The following LRP1B variants were observed in gnomAD, a reference collection of about 807,000 sequenced individuals.
LRP1B encodes low-density lipoprotein receptor-related protein 1B.
In LRP1B, 217 loss-of-function variants were observed where a neutral mutation model predicts 556.6. The observed-to-expected ratio is 0.39, with a 90% CI of 0.35 to 0.44. LRP1B has a LOEUF of 0.44. Ranked by LOEUF, LRP1B falls within the 20% of genes least tolerant of loss-of-function variation. The pLI, the probability that LRP1B is intolerant of heterozygous loss-of-function variation, is 1.00. For synonymous variants in LRP1B, 2,047 were observed against 1,865.8 expected (o/e 1.10, Z -2.50); for missense variants, 5,053 against 5,620.8 (o/e 0.90, Z 3.23).
At chr2:141,464,606 A>ATATATATTTTTTTTTTTTTTT in intron 3 of LRP1B, among the ~76,000 whole-genome samples, 9 of 90,538 alleles carry the variant, frequency 9.9e-5, no homozygotes, top group South Asian at 6.5e-4. Context: ...ATATATATAT[A>ATATATATTTTTTTTTTTTTTT]TTTTTTTAGT....
chr2:142,060,502 A>G (rs1029260312), intron 1 of LRP1B, among the ~76,000 whole-genome samples: 4 of 152,096 alleles, frequency 2.6e-5, no homozygotes, highest in Admixed American at 6.6e-5. Flanking sequence ...GTGGATGGGT[A>G]TGTCAAAGAT....
chr2:142,093,202 A>G (rs1706234949), intron 1 of LRP1B, among the ~76,000 whole-genome samples: 1 of 152,124 alleles, frequency 6.6e-6, no homozygotes, highest in South Asian at 2.1e-4. Flanking sequence ...GTAGAATTAT[A>G]TTATCCATTT....
chr2:140,603,149 A>G (rs1342052279), intron 41 of LRP1B, among the ~76,000 whole-genome samples: 2 of 152,082 alleles, frequency 1.3e-5, no homozygotes, highest in East Asian at 1.9e-4. Context: ...GTAATATACC[A>G]TAGATAGTCT....
rs111571534 is a variant in LRP1B at position 140,717,970 on chromosome 2, T to C, written c.5759-1154A>G. Among the ~76,000 whole-genome samples, 676 of 152,244 alleles carry C rather than the reference T, an allele frequency of 4.4e-3. 5 individuals carry two copies. The highest frequency in any genetic ancestry group is 0.014 in the African/African-American group (597 of 41,566). On this transcript the variant is annotated intron_variant, in intron 35 of 90. Coordinates refer to ENST00000389484, the MANE Select transcript of LRP1B (RefSeq NM_018557.3). ...TATATGTCTAGAAAGCAAGGATTTGTTTGATTTTCTCATTTGGTAAAAACA... is the reference window on the plus strand; with the variant it reads ...TATATGTCTAGAAAGCAAGGATTTGCTTGATTTTCTCATTTGGTAAAAACA...
At chr2:141,910,502 G>A (rs1699880749) in intron 1 of LRP1B, among the ~76,000 whole-genome samples, 1 of 151,698 alleles carries the variant, frequency 6.6e-6, no homozygotes, top group Non-Finnish European at 1.5e-5. Context: ...ATTTTTTCTA[G>A]TATTATTAAA....
chr2:140,991,635 T>G (rs767995301), intron 16 of LRP1B, among the ~76,000 whole-genome samples: 9 of 152,058 alleles, frequency 5.9e-5, no homozygotes, highest in Non-Finnish European at 2.9e-5. Flanking sequence ...ATGTACCAAA[T>G]AAGTAAGCAA....
chr2:142,091,388 A>G (rs1459170347), intron 1 of LRP1B, among the ~76,000 whole-genome samples: 1 of 152,078 alleles, frequency 6.6e-6, no homozygotes, highest in African/African-American at 2.4e-5. Flanking sequence ...TAAAAAATAA[A>G]ATTGGCTTTT....
At chr2:140,330,855 C>A (rs182997229) in intron 79 of LRP1B, among the ~76,000 whole-genome samples, 3 of 152,106 alleles carry the variant, frequency 2.0e-5, no homozygotes, top group South Asian at 2.1e-4. Flanking sequence ...CTACAAGGAA[C>A]TTAAACAAAT....
At chr2:141,519,360 G>GAGATATATATAT (rs1366593169) in intron 2 of LRP1B, among the ~76,000 whole-genome samples, 3 of 68,322 alleles carry the variant, frequency 4.4e-5, no homozygotes, top group African/African-American at 1.7e-4. Context: ...TTAAGTCAAT[G>GAGATATATATAT]ATATATATAT....
chr2:141,940,664 C>A (rs540039375), intron 1 of LRP1B, among the ~76,000 whole-genome samples: 2 of 152,180 alleles, frequency 1.3e-5, no homozygotes, highest in South Asian at 2.1e-4. Context: ...TCCCTAAATC[C>A]TTTTACTCTA....
chr2:140,667,310 G>C (rs552301357), intron 41 of LRP1B, among the ~76,000 whole-genome samples: 1 of 152,156 alleles, frequency 6.6e-6, no homozygotes, highest in Non-Finnish European at 1.5e-5. Context: ...CCTTTGCCTT[G>C]ATACCACCCG....
chr2:141,752,822 C>A (rs1301181593), intron 2 of LRP1B, among the ~76,000 whole-genome samples: 1 of 150,160 alleles, frequency 6.7e-6, no homozygotes, highest in Non-Finnish European at 1.5e-5. Flanking sequence ...TGCCTGTGGT[C>A]CCTGCGACTT....
intron 7 of LRP1B, among the ~76,000 whole-genome samples, chr2:141,079,219 G>C (rs1330891518): frequency 6.6e-6 from 1 of 152,120 alleles, no homozygotes; most frequent in Admixed American, 6.6e-5. Context: ...TTCTTTTCCA[G>C]TTAGAAGGTA....
At chr2:140,600,324 G>A (rs746691004) in intron 42 of LRP1B, among the ~76,000 whole-genome samples, 24 of 152,056 alleles carry the variant, frequency 1.6e-4, no homozygotes, top group Non-Finnish European at 2.6e-4. Context: ...GGACAGTGGT[G>A]GGAGCAGTCT....
intron 15 of LRP1B, among the ~76,000 whole-genome samples, chr2:140,999,422 G>T (rs939314757): frequency 3.9e-5 from 6 of 152,146 alleles, no homozygotes; most frequent in African/African-American, 1.4e-4. Context: ...GAGACCAACA[G>T]TCTCAGAAAA....
intron 3 of LRP1B, among the ~76,000 whole-genome samples, chr2:141,364,270 A>AACACACAC (rs35479321): frequency 2.3e-4 from 34 of 148,732 alleles, no homozygotes; most frequent in Middle Eastern, 3.5e-3. Flanking sequence ...TGGAGGAAAT[A>AACACACAC]ACACACACAC....
At chr2:140,850,656 T>C (rs1422178349) in intron 28 of LRP1B, among the ~76,000 whole-genome samples, 1 of 152,188 alleles carries the variant, frequency 6.6e-6, no homozygotes, top group Admixed American at 6.5e-5. Flanking sequence ...TTGTACTTTG[T>C]ACGTAATTAC....
intron 3 of LRP1B, among the ~76,000 whole-genome samples, chr2:141,466,179 G>A (rs912723145): frequency 3.9e-5 from 6 of 152,132 alleles, no homozygotes; most frequent in Non-Finnish European, 5.9e-5. Context: ...GAGCCACTGC[G>A]CCCGGCCTAA....
chr2:141,476,823 C>T (rs1682722158), intron 3 of LRP1B, among the ~76,000 whole-genome samples: 1 of 152,016 alleles, frequency 6.6e-6, no homozygotes, highest in South Asian at 2.1e-4. Context: ...TTTGGATCCT[C>T]TTCTGAAAAA....
Sources: gnomAD v4.1 joint callset for allele counts (sites outside exome capture counted in the v4.1 genomes callset) on GRCh38, gnomAD v4.1.1 for gene constraint, MANE v1.5 for transcripts, NCBI Gene and HGNC (gene_info 2026-07-23, HGNC 2026-07-21) for gene names.